The following PCDH15 variants were observed in gnomAD, a reference collection of about 807,000 sequenced individuals.
The protein encoded by PCDH15 is protocadherin related 15, also known as protocadherin-15.
In PCDH15, 129 loss-of-function variants were observed where a neutral mutation model predicts 178.5. That is an observed-to-expected ratio of 0.72 (90% CI 0.63 to 0.84). The LOEUF is 0.84. Ranked by LOEUF, PCDH15 falls within the 40% of genes least tolerant of loss-of-function variation. PCDH15 has a pLI of 0.00. For synonymous variants in PCDH15, 800 were observed against 732.0 expected, an observed-to-expected ratio of 1.09 and a Z score of -1.50; for missense variants, 2,230 against 2,099.9, an observed-to-expected ratio of 1.06 and a Z score of -1.21.
At position 54,003,386 on chromosome 10, in the gene PCDH15, A is replaced by G. The variant is rs567255660; in HGVS notation, c.2752-7621T>C. Among the ~76,000 whole-genome samples the G allele has an allele frequency of 5.9e-5, 9 of 152,216 alleles. No individual in the cohort carries two copies. In the South Asian group the frequency reaches 1.9e-3, roughly 32 times the overall value. On this transcript the variant is annotated intron_variant, in intron 20 of 37. Coordinates refer to ENST00000644397, the MANE Select transcript of PCDH15 (RefSeq NM_001384140.1). The stretch of plus-strand genomic sequence containing the variant: ...AGCCAGACTAACTAAAAAAGAAGAG[A>G]GAAGACCCAAATAAATAAAGTCAGA...
intron 8 of PCDH15, among the ~76,000 whole-genome samples, chr10:54,274,036 A>C (rs772556333): frequency 3.0e-4 from 45 of 152,082 alleles, no homozygotes; most frequent in Admixed American, 2.0e-3. Flanking sequence ...ACCACAGGAA[A>C]AGAAGACCAA....
intron 2 of PCDH15, among the ~76,000 whole-genome samples, chr10:54,578,824 C>G (rs1408167699): frequency 6.6e-6 from 1 of 151,922 alleles, no homozygotes; most frequent in African/African-American, 2.4e-5. Flanking sequence ...ATCTTGCAAG[C>G]CAGAAGGGAT....
intron 2 of PCDH15, among the ~76,000 whole-genome samples, chr10:54,661,639 C>T (rs2094494222): frequency 6.6e-6 from 1 of 151,876 alleles, no homozygotes; most frequent in East Asian, 1.9e-4. Context: ...ATCACATTAT[C>T]TGACTTTATA....
chr10:54,566,758 T>C (rs1328106259), intron 2 of PCDH15, among the ~76,000 whole-genome samples: 1 of 152,200 alleles, frequency 6.6e-6, no homozygotes. Flanking sequence ...ACCCTCTTGG[T>C]TGTTCCCTCC....
intron 2 of PCDH15, among the ~76,000 whole-genome samples, chr10:54,967,402 C>G (rs78569935): frequency 0.052 from 7,860 of 152,174 alleles, 260 homozygotes; most frequent in East Asian, 0.1. Context: ...CCAAAGTTTC[C>G]TTGTACTCCT....
At chr10:55,233,621 C>G (rs932446638) in intron 1 of PCDH15, among the ~76,000 whole-genome samples, 2 of 151,850 alleles carry the variant, frequency 1.3e-5, no homozygotes. Context: ...TCCTAACAAT[C>G]TACCAGATTT....
chr10:53,845,819 T>G (rs1276927767), intron 28 of PCDH15, among the ~76,000 whole-genome samples: 1 of 151,656 alleles, frequency 6.6e-6, no homozygotes, highest in Non-Finnish European at 1.5e-5. Flanking sequence ...CGGTAGGGAA[T>G]TTATAGTTAA....
At chr10:55,324,021 G>T (rs928511059), upstream of PCDH15, among the ~76,000 whole-genome samples, 3 of 152,036 alleles carry the variant, frequency 2.0e-5, no homozygotes, top group Non-Finnish European at 4.4e-5. Context: ...AGTCTCACAA[G>T]ATCTGAAGCT....
chr10:54,617,280 A>G (rs1334047979), intron 2 of PCDH15, among the ~76,000 whole-genome samples: 1 of 152,040 alleles, frequency 6.6e-6, no homozygotes, highest in Admixed American at 6.6e-5. Context: ...CCATTGAGCA[A>G]CCAACTGATC....
At chr10:53,864,078 C>T (rs950955800) in intron 27 of PCDH15, among the ~76,000 whole-genome samples, 8 of 152,204 alleles carry the variant, frequency 5.3e-5, no homozygotes, top group African/African-American at 1.9e-4. Context: ...CTGACCAAAG[C>T]AAAAGCTCAT....
intron 3 of PCDH15, among the ~76,000 whole-genome samples, chr10:54,442,829 A>AAAACC (rs1439611133): frequency 6.6e-6 from 1 of 151,432 alleles, no homozygotes; most frequent in Non-Finnish European, 1.5e-5. Context: ...TCAGTAGTAA[A>AAAACC]AAACCCAACT....
chr10:53,857,316 T>C lies in PCDH15; in HGVS notation c.3718-53A>G, dbSNP rs111306438. On this transcript the variant is annotated intron_variant, in intron 27 of 37. Transcript: ENST00000644397. ...TAATTTTTACTCACTGAAATTTCCATAATCAGAAAACCCCCACATTACCTC... is the reference window on the plus strand; with the variant it reads ...TAATTTTTACTCACTGAAATTTCCACAATCAGAAAACCCCCACATTACCTC... 6 of 1,409,822 alleles carry C rather than the reference T, an allele frequency of 4.3e-6. No individual in the cohort carries two copies. In the Admixed American group the frequency reaches 6.7e-5, roughly 16 times the overall value. The allele number at this position is 1,409,822 out of a possible 1,614,324, so 87.3% of individuals were successfully genotyped here.
chr10:55,531,813 T>G (rs1164525427), intron 2 of PCDH15, among the ~76,000 whole-genome samples: 1 of 152,168 alleles, frequency 6.6e-6, no homozygotes, highest in East Asian at 1.9e-4. Context: ...CAGATTAATC[T>G]TACGTGTGTT....
At chr10:54,314,280 C>T (rs907029557) in intron 8 of PCDH15, among the ~76,000 whole-genome samples, 2 of 151,854 alleles carry the variant, frequency 1.3e-5, no homozygotes, top group African/African-American at 2.4e-5. Context: ...TAGAAATTTT[C>T]GAATGAAACA....
intron 4 of PCDH15, among the ~76,000 whole-genome samples, chr10:54,378,169 C>T (rs568840395): frequency 2.4e-4 from 37 of 152,160 alleles, no homozygotes; most frequent in African/African-American, 8.4e-4. Context: ...AAGCAGTTCT[C>T]CCCACTGGGC....
intron 9 of PCDH15, among the ~76,000 whole-genome samples, chr10:54,215,760 G>A (rs972932926): frequency 3.9e-5 from 6 of 152,076 alleles, no homozygotes; most frequent in African/African-American, 9.7e-5. Flanking sequence ...ATGTCGAGAC[G>A]GCCGGGCGCG....
intron 8 of PCDH15, among the ~76,000 whole-genome samples, chr10:54,240,687 A>C (rs151242237): frequency 5.5e-4 from 69 of 126,024 alleles, no homozygotes; most frequent in African/African-American, 1.9e-3. Context: ...GCTGGAGTGC[A>C]GTGGCGCGAT....
At chr10:55,138,975 C>A (rs4007193) in intron 2 of PCDH15, among the ~76,000 whole-genome samples, 1 of 152,138 alleles carries the variant, frequency 6.6e-6, no homozygotes, top group Admixed American at 6.6e-5. Context: ...TAATATTCCA[C>A]TGTATAGGTA....
At chr10:54,321,548 C>G (rs1429418900) in intron 7 of PCDH15, among the ~76,000 whole-genome samples, 1 of 151,746 alleles carries the variant, frequency 6.6e-6, no homozygotes, top group Non-Finnish European at 1.5e-5. Context: ...TGTCACTCAG[C>G]CTTCTTTATA....
Sources: allele counts gnomAD v4.1 joint callset (sites outside exome capture counted in the v4.1 genomes callset), GRCh38; gene constraint gnomAD v4.1.1; transcripts MANE v1.5; gene names NCBI Gene and HGNC (gene_info 2026-07-23, HGNC 2026-07-21).